Variants in CDYL2 observed in about 807,000 individuals in gnomAD.
CDYL2 encodes chromodomain Y like 2, also known as chromodomain Y-like protein 2.
CDYL2 carries 23 observed loss-of-function variants against 49.4 expected under a neutral mutation model. The ratio of observed to expected loss-of-function variants is 0.47; its 90% CI spans 0.34 to 0.66. CDYL2 has a LOEUF of 0.66. Ranked by LOEUF, CDYL2 falls within the 30% of genes least tolerant of loss-of-function variation. CDYL2 has a pLI of 0.01. For missense variants in CDYL2, 678 were observed against 656.4 expected, an observed-to-expected ratio of 1.03 and a Z score of -0.36; for synonymous variants, 360 against 268.8, an observed-to-expected ratio of 1.34 and a Z score of -3.32.
At chr16:80,793,760 T>A (rs1907681165) in intron 1 of CDYL2, among the ~76,000 whole-genome samples, 2 of 152,224 alleles carry the variant, frequency 1.3e-5, no homozygotes, top group Non-Finnish European at 2.9e-5. Context: ...CATAAAATAA[T>A]TTCTCAGTGT....
intron 1 of CDYL2, among the ~76,000 whole-genome samples, chr16:80,784,862 G>A (rs1310916178): frequency 6.6e-6 from 1 of 152,168 alleles, no homozygotes; most frequent in African/African-American, 2.4e-5. Flanking sequence ...GGGTCAGGGA[G>A]GCATCCTTAG....
At chr16:80,694,323 G>A (rs905902564) in intron 1 of CDYL2, among the ~76,000 whole-genome samples, 1 of 152,194 alleles carries the variant, frequency 6.6e-6, no homozygotes, top group Admixed American at 6.5e-5. Flanking sequence ...AACAGGCCAC[G>A]GCCTGGTACC....
At chr16:80,611,999 G>A (rs532841790) in intron 5 of CDYL2, among the ~76,000 whole-genome samples, 6 of 152,382 alleles carry the variant, frequency 3.9e-5, no homozygotes, top group African/African-American at 1.4e-4. Context: ...TCCACATGGG[G>A]TGGAGACTGC....
chr16:80,600,633 T>C lies in CDYL2; in HGVS notation c.*3755A>G, dbSNP rs1385822973. 1 of 152,190 alleles carries C rather than the reference T, an allele frequency of 6.6e-6. No homozygotes were observed. Among genetic ancestry groups the C allele is most frequent in the African/African-American group, 2.4e-5 (1 of 41,470 alleles). 9.4% of individuals were successfully genotyped at this position (152,190 alleles called of 1,614,324 possible). A position where few individuals can be genotyped will look rare whatever the true frequency, so the allele number is the denominator to read the frequency against. On this transcript the variant is annotated 3_prime_UTR_variant, in exon 7 of 7. Transcript: ENST00000570137. The stretch of plus-strand genomic sequence containing the variant: ...AACTAATATATACAACAGATATAAG[T>C]GTCTGAATACAGAAAAACAGAAGAT...
intron 2 of CDYL2, among the ~76,000 whole-genome samples, chr16:80,651,954 G>T (rs1908601999): frequency 6.6e-6 from 1 of 152,220 alleles, no homozygotes; most frequent in Non-Finnish European, 1.5e-5. Flanking sequence ...GAGAAGGCTA[G>T]AATGTGACCA....
intron 1 of CDYL2, among the ~76,000 whole-genome samples, chr16:80,719,854 A>T (rs1262552370): frequency 1.3e-5 from 2 of 152,320 alleles, no homozygotes; most frequent in South Asian, 4.1e-4. Flanking sequence ...AGGGTACCAA[A>T]GACATTGTTG....
At chr16:80,723,066 G>T (rs528603520) in intron 1 of CDYL2, among the ~76,000 whole-genome samples, 1 of 152,308 alleles carries the variant, frequency 6.6e-6, no homozygotes, top group East Asian at 1.9e-4. Context: ...TCGGCAGGGC[G>T]CTTTCTACAG....
At chr16:80,618,277 C>T (rs933652784) in intron 4 of CDYL2, among the ~76,000 whole-genome samples, 2 of 152,110 alleles carry the variant, frequency 1.3e-5, no homozygotes, top group African/African-American at 4.8e-5. Flanking sequence ...GGGCCTCAGG[C>T]CCCAGCCACG....
chr16:80,777,769 G>C (rs989272408), intron 1 of CDYL2, among the ~76,000 whole-genome samples: 5 of 151,908 alleles, frequency 3.3e-5, no homozygotes, highest in Non-Finnish European at 4.4e-5. Context: ...AAGCATTCCA[G>C]AGAAAGCTTA....
chr16:80,711,882 T>C (rs537386434), intron 1 of CDYL2, among the ~76,000 whole-genome samples: 8 of 151,814 alleles, frequency 5.3e-5, no homozygotes, highest in Non-Finnish European at 7.4e-5. Context: ...CACTGCGGAA[T>C]AGAGACGTCA....
chr16:80,669,578 T>A (rs542872785), intron 2 of CDYL2, among the ~76,000 whole-genome samples: 23 of 152,084 alleles, frequency 1.5e-4, no homozygotes, highest in African/African-American at 5.5e-4. Flanking sequence ...AGTACCTGGA[T>A]CTCCCTCAGC....
chr16:80,781,126 G>C (rs1226384077), intron 1 of CDYL2, among the ~76,000 whole-genome samples: 1 of 152,172 alleles, frequency 6.6e-6, no homozygotes. Context: ...AAAAGTGGCA[G>C]AGTGAAATTT....
intron 1 of CDYL2, among the ~76,000 whole-genome samples, chr16:80,718,322 T>A (rs922478567): frequency 6.6e-6 from 1 of 152,224 alleles, no homozygotes; most frequent in Non-Finnish European, 1.5e-5. Flanking sequence ...TAAAGATGGA[T>A]GGCAAACTCA....
intron 6 of CDYL2, 32 bp from the exon 7 acceptor site, chr16:80,604,578 G>T: frequency 6.2e-7 from 1 of 1,612,712 alleles, no homozygotes; most frequent in Non-Finnish European, 8.5e-7. Context: ...TGATTAGCCG[G>T]GCACCAGGGA....
chr16:80,716,034 G>T (rs958340895), intron 1 of CDYL2, among the ~76,000 whole-genome samples: 1 of 152,244 alleles, frequency 6.6e-6, no homozygotes, highest in African/African-American at 2.4e-5. Flanking sequence ...TCCTCATGGG[G>T]ATGATAATCA....
intron 1 of CDYL2, among the ~76,000 whole-genome samples, chr16:80,689,932 C>G (rs1320587228): frequency 6.6e-6 from 1 of 151,968 alleles, no homozygotes; most frequent in African/African-American, 2.4e-5. Context: ...ACCAGCCTGG[C>G]CAACATGGTG....
At chr16:80,625,457 A>G (rs1456486809) in intron 3 of CDYL2, among the ~76,000 whole-genome samples, 1 of 152,220 alleles carries the variant, frequency 6.6e-6, no homozygotes, top group Non-Finnish European at 1.5e-5. Context: ...AAGGTCAGCT[A>G]ACTGGCACCC....
chr16:80,719,536 G>A (rs538330775), intron 1 of CDYL2, among the ~76,000 whole-genome samples: 1 of 152,162 alleles, frequency 6.6e-6, no homozygotes, highest in Admixed American at 6.5e-5. Flanking sequence ...TAAATTTTGA[G>A]AATCACTAGA....
intron 1 of CDYL2, among the ~76,000 whole-genome samples, chr16:80,705,735 C>G (rs1232143905): frequency 6.6e-6 from 1 of 152,270 alleles, no homozygotes; most frequent in Non-Finnish European, 1.5e-5. Flanking sequence ...CAAATCTGCC[C>G]TTGTCATGCA....
Sources: allele counts gnomAD v4.1 joint callset (sites outside exome capture counted in the v4.1 genomes callset), GRCh38; gene constraint gnomAD v4.1.1; transcripts MANE v1.5; gene names NCBI Gene and HGNC (gene_info 2026-07-23, HGNC 2026-07-21).